Variants in SMG6 observed in about 807,000 individuals in gnomAD.
The protein encoded by SMG6 is SMG6 nonsense mediated mRNA decay factor.
Under a neutral mutation model 142.2 loss-of-function variants are expected in SMG6, and 66 were observed. The observed-to-expected ratio is 0.46, with a 90% confidence interval of 0.38 to 0.57. The LOEUF (loss-of-function observed/expected upper bound fraction) is 0.57. Ranked by LOEUF, SMG6 falls within the 20% of genes least tolerant of loss-of-function variation. SMG6 has a pLI of 0.00. For missense variants in SMG6, 1,793 were observed against 1,832.0 expected, an observed-to-expected ratio of 0.98 and a Z score of 0.39; for synonymous variants, 779 against 702.4, an observed-to-expected ratio of 1.11 and a Z score of -1.72.
At chr17:2,150,086 C>T (rs1002380009) in intron 13 of SMG6, among the ~76,000 whole-genome samples, 4 of 152,160 alleles carry the variant, frequency 2.6e-5, no homozygotes, top group Non-Finnish European at 1.5e-5. Context: ...AGGAACTGGG[C>T]CGCACAGCAG....
At chr17:2,080,828 G>C (rs555214092) in intron 15 of SMG6, among the ~76,000 whole-genome samples, 84 of 152,134 alleles carry the variant, frequency 5.5e-4, no homozygotes, top group African/African-American at 2.0e-3. Flanking sequence ...GTAGAGACAG[G>C]GTTTCACCAT....
intron 13 of SMG6, among the ~76,000 whole-genome samples, chr17:2,147,037 G>T (rs1255959827): frequency 2.0e-5 from 3 of 152,112 alleles, no homozygotes; most frequent in Non-Finnish European, 2.9e-5. Flanking sequence ...GCTTCAAAAA[G>T]AAAGAAAATC....
intron 13 of SMG6, among the ~76,000 whole-genome samples, chr17:2,095,839 C>T (rs572052989): frequency 9.5e-6 from 1 of 105,568 alleles, no homozygotes; most frequent in African/African-American, 3.6e-5. Context: ...CAAACCCTCG[C>T]CCACCCACCC....
rs57079220 is a variant in SMG6, at chr17:2,242,689, T to TAAAAAAAA, written c.2723+1961_2723+1968dup. 9.8e-4 allele frequency among the ~76,000 whole-genome samples: 55 copies of TAAAAAAAA among 55,850 alleles called. 1 individual carries two copies. Among genetic ancestry groups the TAAAAAAAA allele is most frequent in the East Asian group, 8.2e-3 (16 of 1,958 alleles). The allele number at this position is 55,850 out of a possible 152,430, so 36.6% of individuals were successfully genotyped here. A position where few individuals can be genotyped will look rare whatever the true frequency, so the allele number is the denominator to read the frequency against. On this transcript the variant is annotated intron_variant, in intron 9 of 18. Coordinates refer to ENST00000263073, the MANE Select transcript of SMG6 (RefSeq NM_017575.5). Reference sequence around the variant, plus strand: ...GTAACACAGACAGGCTCCATCTCTTTAAAAAAAAAAAAAAAAAAAAAAAAA... The same window carrying TAAAAAAAA: ...GTAACACAGACAGGCTCCATCTCTTTAAAAAAAAAAAAAAAAAAAAAAAAAAAAAAAAA...
chr17:2,175,871 CCTT>C (rs1234815301), intron 12 of SMG6, among the ~76,000 whole-genome samples: 5 of 152,148 alleles, frequency 3.3e-5, no homozygotes, highest in African/African-American at 1.2e-4. Flanking sequence ...TGAGTAGCTG[CCTT>C]CTTCTGGTGT....
chr17:2,129,938 T>C (rs966430940), intron 13 of SMG6, among the ~76,000 whole-genome samples: 3 of 151,252 alleles, frequency 2.0e-5, no homozygotes, highest in Non-Finnish European at 4.4e-5. Flanking sequence ...TTCAGTAAAG[T>C]TGATAGATGT....
At chr17:2,303,459 G>A in intron 1 of SMG6, 174 bp downstream of exon 1, 1 of 1,316,406 alleles carries the variant, frequency 7.6e-7, no homozygotes, top group Non-Finnish European at 9.7e-7. Context: ...GCCCGACCCC[G>A]CACTAACCCG....
At chr17:2,208,989 G>A (rs2072769404) in intron 10 of SMG6, among the ~76,000 whole-genome samples, 1 of 152,110 alleles carries the variant, frequency 6.6e-6, no homozygotes, top group Non-Finnish European at 1.5e-5. Context: ...AGACCAGCCT[G>A]GGCAACAAAG....
intron 15 of SMG6, among the ~76,000 whole-genome samples, chr17:2,076,008 C>T (rs985706444): frequency 6.6e-6 from 1 of 152,204 alleles, no homozygotes; most frequent in Admixed American, 6.5e-5. Context: ...GCCTCACCTC[C>T]CCCATGCTCA....
intron 13 of SMG6, among the ~76,000 whole-genome samples, chr17:2,162,222 G>C (rs1176190800): frequency 2.0e-5 from 3 of 152,000 alleles, no homozygotes; most frequent in Non-Finnish European, 4.4e-5. Flanking sequence ...CTGTTAAAAA[G>C]CAAAAATTGG....
chr17:2,173,660 T>G (rs1015519298), intron 12 of SMG6, among the ~76,000 whole-genome samples: 2 of 152,120 alleles, frequency 1.3e-5, no homozygotes, highest in South Asian at 4.1e-4. Flanking sequence ...GCTGTCCTAA[T>G]TGCGTATCAC....
At chr17:2,200,094 G>C (rs1042324810) in intron 10 of SMG6, 2 of 151,582 alleles carry the variant, frequency 1.3e-5, no homozygotes, top group Non-Finnish European at 2.9e-5. Flanking sequence ...GCTACTTTTT[G>C]TATTTTTATT....
At chr17:2,070,895 G>A (rs2068081943) in intron 15 of SMG6, among the ~76,000 whole-genome samples, 1 of 152,220 alleles carries the variant, frequency 6.6e-6, no homozygotes. Flanking sequence ...CAGTTTGTAA[G>A]AACAGGAAAT....
intron 12 of SMG6, 129 bp from the exon 13 acceptor site, chr17:2,172,988 T>C: frequency 2.3e-6 from 2 of 871,812 alleles, no homozygotes; most frequent in Non-Finnish European, 3.6e-6. Context: ...CAGGAAATCA[T>C]ACCCCAAAAA....
intron 6 of SMG6, among the ~76,000 whole-genome samples, chr17:2,292,305 G>A (rs1286232319): frequency 6.6e-6 from 1 of 152,294 alleles, no homozygotes; most frequent in East Asian, 1.9e-4. Context: ...TGTTTAGCTG[G>A]AGCATGAGCA....
At chr17:2,264,525 C>T (rs1378465560) in intron 8 of SMG6, among the ~76,000 whole-genome samples, 3 of 152,148 alleles carry the variant, frequency 2.0e-5, no homozygotes, top group East Asian at 1.9e-4. Context: ...TTCACAACAC[C>T]AGCAACATCA....
At chr17:2,130,177 G>A (rs889248477) in intron 13 of SMG6, among the ~76,000 whole-genome samples, 25 of 146,180 alleles carry the variant, frequency 1.7e-4, no homozygotes, top group African/African-American at 5.6e-4. Flanking sequence ...GGAGAATGGC[G>A]TGAACCCGGG....
chr17:2,074,272 A>G (rs963385285), intron 15 of SMG6, among the ~76,000 whole-genome samples: 1 of 152,054 alleles, frequency 6.6e-6, no homozygotes, highest in Non-Finnish European at 1.5e-5. Flanking sequence ...CTTATTGTAT[A>G]TATGTATCTT....
At chr17:2,279,743 C>T (rs1180331117) in intron 8 of SMG6, among the ~76,000 whole-genome samples, 3 of 152,174 alleles carry the variant, frequency 2.0e-5, no homozygotes, top group African/African-American at 7.2e-5. Context: ...ATGTCAAGCA[C>T]GACTCCAGTC....
Sources: allele counts gnomAD v4.1 joint callset (sites outside exome capture counted in the v4.1 genomes callset), GRCh38; gene constraint gnomAD v4.1.1; transcripts MANE v1.5; gene names NCBI Gene and HGNC (gene_info 2026-07-23, HGNC 2026-07-21).